The following MACROD2 variants were observed in gnomAD, a reference collection of about 807,000 sequenced individuals.
MACROD2 encodes mono-ADP ribosylhydrolase 2.
In MACROD2, 36 loss-of-function variants were observed where a neutral mutation model predicts 70.4. That is an observed-to-expected ratio of 0.51 (90% CI 0.39 to 0.68). MACROD2 has a LOEUF of 0.68. Among genes scored for constraint, MACROD2 ranks in the 30% least tolerant of loss-of-function variants. MACROD2 has a pLI of 0.00. For synonymous variants in MACROD2, 172 were observed against 178.8 expected (o/e 0.96, Z 0.30); for missense variants, 496 against 538.4 (o/e 0.92, Z 0.78).
At chr20:14,556,475 C>G (rs756967959) in intron 4 of MACROD2, among the ~76,000 whole-genome samples, 66 of 151,946 alleles carry the variant, frequency 4.3e-4, no homozygotes, top group Non-Finnish European at 8.1e-4. Context: ...TAAAGAAGCT[C>G]CAAGAAAGTC....
rs566120583 is a variant in MACROD2 at position 15,131,701 on chromosome 20, G to GTAGAA, written c.419-98232_419-98228dup. Among the ~76,000 whole-genome samples, 182 of 152,160 alleles carry GTAGAA rather than the reference G, an allele frequency of 1.2e-3. 2 individuals are homozygous for GTAGAA. The highest frequency in any genetic ancestry group is 7.9e-4 in the Non-Finnish European group (54 of 67,934). ...TTTAGACATTGAACTAGAAGGCTGT[G>GTAGAA]TAGAATAGAATGACTAAAAACAGAC... On this transcript the variant is annotated intron_variant, in intron 5 of 17. Coordinates refer to ENST00000684519, the MANE Select transcript of MACROD2 (RefSeq NM_001351661.2).
At chr20:15,687,243 C>T (rs1286417149) in intron 8 of MACROD2, among the ~76,000 whole-genome samples, 1 of 150,352 alleles carries the variant, frequency 6.7e-6, no homozygotes, top group Non-Finnish European at 1.5e-5. Context: ...TTTAATAATA[C>T]CTTTCTCAAA....
At position 15,322,096 on chromosome 20, in the gene MACROD2, A is replaced by C. The variant is rs759409328; in HGVS notation, c.540+92035A>C. 4.9e-5 allele frequency among the ~76,000 whole-genome samples: 7 copies of C among 143,874 alleles called. 2 individuals carry two copies. Among genetic ancestry groups the C allele is most frequent in the Non-Finnish European group, 1.1e-4 (7 of 63,572 alleles). 94.4% of individuals were successfully genotyped at this position (143,874 alleles called of 152,430 possible). ...ATGAGCCACTGCACCCGGCCACTACACACAGTCTTTAAACTTAAGGGGTTG... is the reference window on the plus strand; with the variant it reads ...ATGAGCCACTGCACCCGGCCACTACCCACAGTCTTTAAACTTAAGGGGTTG... On this transcript the variant is annotated intron_variant, in intron 6 of 17. Transcript: ENST00000684519.
intron 5 of MACROD2, among the ~76,000 whole-genome samples, chr20:15,075,132 A>G (rs2075648387): frequency 6.6e-6 from 1 of 152,150 alleles, no homozygotes; most frequent in African/African-American, 2.4e-5. Flanking sequence ...GTATAGTAAC[A>G]TATGTTAAGT....
At chr20:15,848,767 T>A (rs943231128) in intron 8 of MACROD2, among the ~76,000 whole-genome samples, 4 of 152,140 alleles carry the variant, frequency 2.6e-5, no homozygotes, top group African/African-American at 9.7e-5. Flanking sequence ...TCAAGTGGTC[T>A]TTCCTTTTGG....
chr20:14,476,743 C>T (rs2084599806), intron 3 of MACROD2, among the ~76,000 whole-genome samples: 1 of 152,160 alleles, frequency 6.6e-6, no homozygotes, highest in Non-Finnish European at 1.5e-5. Context: ...TGAGCAATAT[C>T]TGACTTAATA....
At chr20:14,738,606 C>T (rs1166889869) in intron 5 of MACROD2, among the ~76,000 whole-genome samples, 1 of 152,006 alleles carries the variant, frequency 6.6e-6, no homozygotes, top group African/African-American at 2.4e-5. Context: ...TTTGAATGAG[C>T]AAATGCACGC....
intron 8 of MACROD2, among the ~76,000 whole-genome samples, chr20:15,532,800 C>T (rs1336557667): frequency 2.0e-5 from 3 of 151,892 alleles, no homozygotes; most frequent in Admixed American, 1.3e-4. Flanking sequence ...TGGTGTTGTC[C>T]TTATGAGCTC....
intron 4 of MACROD2, among the ~76,000 whole-genome samples, chr20:14,610,269 A>G (rs1983076632): frequency 6.6e-6 from 1 of 152,174 alleles, no homozygotes; most frequent in South Asian, 2.1e-4. Context: ...AGACACATTT[A>G]TTTCATCTAA....
intron 4 of MACROD2, among the ~76,000 whole-genome samples, chr20:14,656,057 C>A (rs1985958213): frequency 6.6e-6 from 1 of 152,184 alleles, no homozygotes; most frequent in Admixed American, 6.5e-5. Flanking sequence ...CCTCCAGAAG[C>A]TCTTACAGTT....
At chr20:14,412,430 CAG>C (rs11469124) in intron 3 of MACROD2, among the ~76,000 whole-genome samples, 41,921 of 152,034 alleles carry the variant, frequency 0.28, 6,722 homozygotes, top group South Asian at 0.56. Context: ...ATAGGAGCCA[CAG>C]AAGAGTTTGA....
intron 3 of MACROD2, among the ~76,000 whole-genome samples, chr20:14,258,252 A>G (rs1416108863): frequency 3.3e-5 from 5 of 152,200 alleles, no homozygotes; most frequent in African/African-American, 4.8e-5. Flanking sequence ...GTAGATGCCC[A>G]GTAGTGGGAT....
At chr20:15,504,680 A>G in intron 8 of MACROD2, among the ~76,000 whole-genome samples, 1 of 152,230 alleles carries the variant, frequency 6.6e-6, no homozygotes, top group East Asian at 1.9e-4. Context: ...TTAAGTATTA[A>G]GAACTTCTGA....
intron 2 of MACROD2, among the ~76,000 whole-genome samples, chr20:14,006,244 C>T (rs2052818246): frequency 6.6e-6 from 1 of 152,146 alleles, no homozygotes; most frequent in African/African-American, 2.4e-5. Flanking sequence ...GCAATGAAAT[C>T]ACCTAACAAC....
chr20:14,609,251 CAG>C (rs779555678), intron 4 of MACROD2, among the ~76,000 whole-genome samples: 4 of 141,922 alleles, frequency 2.8e-5, no homozygotes, highest in South Asian at 2.2e-4. Flanking sequence ...ACATTAGAAA[CAG>C]AGAGAAGTTA....
intron 8 of MACROD2, among the ~76,000 whole-genome samples, chr20:15,677,644 A>G (rs948347021): frequency 2.0e-4 from 30 of 151,996 alleles, no homozygotes; most frequent in African/African-American, 7.0e-4. Context: ...TGGCACTTCA[A>G]ACCCAACCCT....
At chr20:14,781,855 G>A (rs976561119) in intron 5 of MACROD2, among the ~76,000 whole-genome samples, 2 of 151,862 alleles carry the variant, frequency 1.3e-5, no homozygotes, top group Non-Finnish European at 2.9e-5. Flanking sequence ...AAAGCTTCAT[G>A]TATCTTTTTT....
intron 3 of MACROD2, among the ~76,000 whole-genome samples, chr20:14,473,363 T>C (rs1252370378): frequency 1.3e-5 from 2 of 152,166 alleles, no homozygotes; most frequent in African/African-American, 4.8e-5. Flanking sequence ...TTACATGAGA[T>C]CAACTTTTTT....
chr20:14,772,974 G>C (rs6135256), intron 5 of MACROD2, among the ~76,000 whole-genome samples: 8,139 of 152,036 alleles, frequency 0.054, 350 homozygotes, highest in East Asian at 0.17. Context: ...GTCGAGGTCA[G>C]TATGATTCTC....
Sources: gnomAD v4.1 joint callset for allele counts (sites outside exome capture counted in the v4.1 genomes callset) on GRCh38, gnomAD v4.1.1 for gene constraint, MANE v1.5 for transcripts, NCBI Gene and HGNC (gene_info 2026-07-23, HGNC 2026-07-21) for gene names.